STRN: variants seen among roughly 807,000 people sequenced by gnomAD.
STRN encodes the protein striatin, also known as protein phosphatase 2 regulatory subunit B'''alpha.
A neutral mutation model predicts 96.3 loss-of-function variants in STRN; 53 were observed. The observed-to-expected ratio is 0.55, with a 90% CI of 0.44 to 0.69. The LOEUF (loss-of-function observed/expected upper bound fraction) is 0.69, where lower values mean the gene tolerates loss of function less well. Among genes scored for constraint, STRN ranks in the 30% least tolerant of loss-of-function variants. STRN has a pLI of 0.00. For synonymous variants in STRN, 428 were observed against 355.9 expected (o/e 1.20, Z -2.28); for missense variants, 987 against 963.9 (o/e 1.02, Z -0.32).
chr2:36,920,972 G>C (rs1308058130), intron 2 of STRN, among the ~76,000 whole-genome samples: 1 of 151,886 alleles, frequency 6.6e-6, no homozygotes. Flanking sequence ...CTACTCAGGA[G>C]ACTGAGGCAA....
intron 9 of STRN, among the ~76,000 whole-genome samples, chr2:36,882,740 A>T (rs2148172034): frequency 6.6e-6 from 1 of 152,150 alleles, no homozygotes; most frequent in East Asian, 1.9e-4. Flanking sequence ...CTGCACTCTA[A>T]TCTGAGTGAC....
At chr2:36,864,637 A>G (rs1410068751) in intron 12 of STRN, among the ~76,000 whole-genome samples, 1 of 152,184 alleles carries the variant, frequency 6.6e-6, no homozygotes, top group Non-Finnish European at 1.5e-5. Context: ...TATCTCTGCC[A>G]GGTTTTGGTA....
chr2:36,878,087 A>G, intron 9 of STRN, 60 bp from the exon 10 acceptor site: 2 of 1,576,986 alleles, frequency 1.3e-6, no homozygotes, highest in Non-Finnish European at 1.7e-6. Context: ...ATTTAGTCTC[A>G]TTTGCTTGCA....
At position 36,875,725 on chromosome 2, in the gene STRN, C is replaced by T. The variant is rs144411510; in HGVS notation, c.1323+2166G>A. Among the ~76,000 whole-genome samples, 407 of 149,284 alleles carry T rather than the reference C, an allele frequency of 2.7e-3. 5 individuals carry two copies. The highest frequency in any genetic ancestry group is 9.7e-3 in the African/African-American group (394 of 40,448). ...GCGCTGGAGTGCGGTGGCGCAATCTCGGCTCACTGCAAACTCTGCCTCCCG... is the reference window on the plus strand; with the variant it reads ...GCGCTGGAGTGCGGTGGCGCAATCTTGGCTCACTGCAAACTCTGCCTCCCG... On this transcript the variant is annotated intron_variant, in intron 10 of 17. Transcript: ENST00000263918.
rs989329857 is a variant in STRN, at chr2:36,838,646, T to C, written c.*10810A>G. On this transcript the variant is annotated 3_prime_UTR_variant, in exon 18 of 18. Coordinates refer to ENST00000263918, the MANE Select transcript of STRN (RefSeq NM_003162.4). Reference sequence around the variant, plus strand: ...GAAATAAAAACTGTTCCGGCCACTTTGGGAAACAATCTGTCAATATTTATT... The same window carrying C: ...GAAATAAAAACTGTTCCGGCCACTTCGGGAAACAATCTGTCAATATTTATT... Among the ~76,000 whole-genome samples, 1 of 152,208 alleles carries C rather than the reference T, an allele frequency of 6.6e-6. No homozygotes were observed. The highest frequency in any genetic ancestry group is 1.5e-5 in the Non-Finnish European group (1 of 68,036).
intron 1 of STRN, among the ~76,000 whole-genome samples, chr2:36,952,088 A>G (rs1318179645): frequency 6.6e-6 from 1 of 152,244 alleles, no homozygotes; most frequent in Non-Finnish European, 1.5e-5. Flanking sequence ...TTATTCAAGA[A>G]TGACAATACA....
chr2:36,900,186 G>C (rs138926838), intron 5 of STRN, among the ~76,000 whole-genome samples: 16 of 152,166 alleles, frequency 1.1e-4, no homozygotes, highest in Admixed American at 4.6e-4. Context: ...TGAGCCACTC[G>C]TATCTATTTA....
chr2:36,892,578 T>A (rs185288830), intron 7 of STRN, among the ~76,000 whole-genome samples: 2 of 152,222 alleles, frequency 1.3e-5, no homozygotes, highest in East Asian at 3.9e-4. Flanking sequence ...GAAACTAAAA[T>A]CTAATCTTCA....
chr2:36,900,070 G>A lies in STRN; in HGVS notation c.660-412C>T, dbSNP rs1380361263. Among the ~76,000 whole-genome samples, 7 of 152,168 alleles carry A rather than the reference G, an allele frequency of 4.6e-5. No homozygotes were observed. In the East Asian group the frequency reaches 1.4e-3, roughly 29 times the overall value. ...CACCCTGCTAATTTTTGTATTTTCA[G>A]TAGAGATGGGGTTCCACTATGTTGC... On this transcript the variant is annotated intron_variant, in intron 5 of 17. Coordinates refer to ENST00000263918, the MANE Select transcript of STRN (RefSeq NM_003162.4).
chr2:36,876,865 A>T (rs893644221), intron 10 of STRN, among the ~76,000 whole-genome samples: 5 of 151,710 alleles, frequency 3.3e-5, no homozygotes, highest in Admixed American at 1.3e-4. Flanking sequence ...CTCCTGCCTC[A>T]GCCTCCCGAG....
At chr2:36,854,042 C>T (rs965131963) in intron 15 of STRN, among the ~76,000 whole-genome samples, 4 of 147,506 alleles carry the variant, frequency 2.7e-5, no homozygotes, top group African/African-American at 7.4e-5. Context: ...TGGATTCACT[C>T]GCCTAGTTCT....
At chr2:36,895,489 C>T (rs1460614005) in intron 6 of STRN, among the ~76,000 whole-genome samples, 1 of 152,004 alleles carries the variant, frequency 6.6e-6, no homozygotes, top group African/African-American at 2.4e-5. Flanking sequence ...GACAAACAAA[C>T]AAAAAAAGCA....
Position 36,840,439 on chromosome 2 carries a change from G to C in STRN, c.*9017C>G, listed in dbSNP as rs576837176. Reference sequence around the variant, plus strand: ...CTACTCAGGCATTTTGTTGCTACCTGTGAGGTAAAGTCCAAATTCCTCTCC... The same window carrying C: ...CTACTCAGGCATTTTGTTGCTACCTCTGAGGTAAAGTCCAAATTCCTCTCC... On this transcript the variant is annotated 3_prime_UTR_variant, in exon 18 of 18. Transcript: ENST00000263918. 2 of 152,230 alleles carry C rather than the reference G, an allele frequency of 1.3e-5. No individual in the cohort carries two copies. Among genetic ancestry groups the C allele is most frequent in the Non-Finnish European group, 1.5e-5 (1 of 68,042 alleles). 9.4% of individuals were successfully genotyped at this position (152,230 alleles called of 1,614,324 possible). A position where few individuals can be genotyped will look rare whatever the true frequency, so the allele number is the denominator to read the frequency against.
intron 13 of STRN, among the ~76,000 whole-genome samples, chr2:36,859,871 G>A (rs1668432960): frequency 6.6e-6 from 1 of 152,156 alleles, no homozygotes; most frequent in African/African-American, 2.4e-5. Context: ...CAGGCAATTA[G>A]TTACTGACAA....
intron 1 of STRN, among the ~76,000 whole-genome samples, chr2:36,952,847 C>T (rs905602928): frequency 3.3e-5 from 5 of 152,210 alleles, no homozygotes; most frequent in African/African-American, 9.7e-5. Context: ...CTCCTTTCAG[C>T]TTTACACCAA....
Position 36,867,796 on chromosome 2 carries a change from G to C in STRN, c.1547+18C>G. 1 of 1,503,148 alleles carries C rather than the reference G, an allele frequency of 6.7e-7. No individual in the cohort carries two copies. Among genetic ancestry groups the C allele is most frequent in the South Asian group, 1.3e-5 (1 of 76,750 alleles). 93.1% of individuals were successfully genotyped at this position (1,503,148 alleles called of 1,614,324 possible). On this transcript the variant is annotated intron_variant, in intron 12 of 17. Coordinates refer to ENST00000263918, the MANE Select transcript of STRN (RefSeq NM_003162.4). ...TACAGAGATATCGGTTTAAAATAAAGAAAAAACATATACTTACTTATGGGC... is the reference window on the plus strand; with the variant it reads ...TACAGAGATATCGGTTTAAAATAAACAAAAAACATATACTTACTTATGGGC...
chr2:36,877,845 T>G (rs1668955802), intron 10 of STRN, 46 bp downstream of exon 10: 1 of 1,607,048 alleles, frequency 6.2e-7, no homozygotes, highest in African/African-American at 1.3e-5. Flanking sequence ...CAAGTTTTTG[T>G]TTTTAAAAAC....
chr2:36,949,391 A>G (rs1036681864), intron 1 of STRN, among the ~76,000 whole-genome samples: 17 of 152,176 alleles, frequency 1.1e-4, no homozygotes, highest in African/African-American at 2.9e-4. Flanking sequence ...TTTAAAACCT[A>G]TAACAGGCAA....
intron 9 of STRN, among the ~76,000 whole-genome samples, chr2:36,882,052 C>CTATACA (rs377335387): frequency 2.0e-5 from 3 of 152,078 alleles, no homozygotes; most frequent in African/African-American, 7.2e-5. Context: ...TAATAAATTC[C>CTATACA]AAGTGCTATA....
Sources: allele counts gnomAD v4.1 joint callset (sites outside exome capture counted in the v4.1 genomes callset), GRCh38; gene constraint gnomAD v4.1.1; transcripts MANE v1.5; gene names NCBI Gene and HGNC (gene_info 2026-07-23, HGNC 2026-07-21).